SND1: variants seen among roughly 807,000 people sequenced by gnomAD.
SND1 encodes staphylococcal nuclease domain-containing protein 1.
In SND1, 38 loss-of-function variants were observed where a neutral mutation model predicts 121.7. That is an observed-to-expected ratio of 0.31 (90% CI 0.24 to 0.41). SND1 has a LOEUF of 0.41. Among genes scored for constraint, SND1 ranks in the 10% least tolerant of loss-of-function variants. The pLI is 1.00. For synonymous variants in SND1, 401 were observed against 447.4 expected, an observed-to-expected ratio of 0.90 and a Z score of 1.31; for missense variants, 868 against 1,184.6, an observed-to-expected ratio of 0.73 and a Z score of 3.92.
intron 15 of SND1, among the ~76,000 whole-genome samples, chr7:127,955,796 A>G (rs1584693343): frequency 6.6e-6 from 1 of 152,172 alleles, no homozygotes; most frequent in East Asian, 1.9e-4. Context: ...GACCATTCTA[A>G]GACACATATC....
At chr7:127,658,310 GT>G (rs1795246774) in intron 1 of SND1, among the ~76,000 whole-genome samples, 1 of 152,036 alleles carries the variant, frequency 6.6e-6, no homozygotes, top group South Asian at 2.1e-4. Flanking sequence ...GTGAGACTGT[GT>G]CTCAAAAGAA....
At chr7:128,084,446 G>A (rs1040004909) in intron 18 of SND1, among the ~76,000 whole-genome samples, 2 of 152,208 alleles carry the variant, frequency 1.3e-5, no homozygotes, top group Non-Finnish European at 2.9e-5. Context: ...CCCACACCCT[G>A]GGCCAGCAGA....
chr7:128,078,503 C>T lies in SND1; in HGVS notation c.1969-2857C>T, dbSNP rs113024668. Among the ~76,000 whole-genome samples, 812 of 152,368 alleles carry T rather than the reference C, an allele frequency of 5.3e-3. 3 individuals carry two copies. The highest frequency in any genetic ancestry group is 8.6e-3 in the Non-Finnish European group (586 of 68,034). The stretch of plus-strand genomic sequence containing the variant: ...GCAGTGTGCACCACCCCACCCACCA[C>T]GAAGTGAGCTGTGGCACCTTGTTAC... On this transcript the variant is annotated intron_variant, in intron 17 of 23. Transcript: ENST00000354725.
At chr7:127,674,373 T>C (rs982087102) in intron 1 of SND1, among the ~76,000 whole-genome samples, 1 of 152,262 alleles carries the variant, frequency 6.6e-6, no homozygotes, top group Non-Finnish European at 1.5e-5. Context: ...AAGGGTTTAC[T>C]TCTAATCCAA....
chr7:128,005,077 C>A (rs1802927562), intron 16 of SND1, among the ~76,000 whole-genome samples: 1 of 152,248 alleles, frequency 6.6e-6, no homozygotes, highest in East Asian at 1.9e-4. Flanking sequence ...GCTTTTGATT[C>A]TTGCTTTCCT....
Position 127,819,857 on chromosome 7 carries a change from C to T in SND1, c.1242+12284C>T, listed in dbSNP as rs571486829. Among the ~76,000 whole-genome samples the T allele has an allele frequency of 3.3e-5, 5 of 152,282 alleles. No individual in the cohort carries two copies. The East Asian group carries it at 7.7e-4, about 23-fold the overall frequency. On this transcript the variant is annotated intron_variant, in intron 11 of 23. Coordinates refer to ENST00000354725, the MANE Select transcript of SND1 (RefSeq NM_014390.4). The stretch of plus-strand genomic sequence containing the variant: ...AATTTGATGAATACTGATGTGATGG[C>T]TATGTGTCACACACAAACCCCTGAG...
chr7:128,023,609 G>A (rs1419435789), intron 16 of SND1, among the ~76,000 whole-genome samples: 1 of 152,188 alleles, frequency 6.6e-6, no homozygotes, highest in Admixed American at 6.5e-5. Context: ...TTTCCTGGGA[G>A]GATAAGTATA....
intron 10 of SND1, among the ~76,000 whole-genome samples, chr7:127,798,476 G>A (rs1248933754): frequency 2.0e-5 from 3 of 152,204 alleles, no homozygotes; most frequent in Non-Finnish European, 4.4e-5. Flanking sequence ...GGAATATTTG[G>A]AAATTTTGTT....
At position 127,832,925 on chromosome 7, in the gene SND1, T is replaced by C. The variant is rs371521988; in HGVS notation, c.1243-11399T>C. ...CGAGGGATCTAGGTCTCATGCTCTTTATGAGAATCTAATGCTTGATGATCT... is the reference window on the plus strand; with the variant it reads ...CGAGGGATCTAGGTCTCATGCTCTTCATGAGAATCTAATGCTTGATGATCT... On this transcript the variant is annotated intron_variant, in intron 11 of 23. Coordinates refer to ENST00000354725, the MANE Select transcript of SND1 (RefSeq NM_014390.4). Among the ~76,000 whole-genome samples, 5 of 152,288 alleles carry C rather than the reference T, an allele frequency of 3.3e-5. No homozygotes were observed. In the South Asian group the frequency reaches 6.2e-4, roughly 19 times the overall value.
At chr7:127,995,394 T>G (rs1248800120) in intron 16 of SND1, among the ~76,000 whole-genome samples, 1 of 152,200 alleles carries the variant, frequency 6.6e-6, no homozygotes, top group Non-Finnish European at 1.5e-5. Flanking sequence ...TGCCACACAG[T>G]CAAGGACAGG....
intron 16 of SND1, among the ~76,000 whole-genome samples, chr7:128,021,083 C>A (rs1196072721): frequency 6.6e-6 from 1 of 152,182 alleles, no homozygotes; most frequent in African/African-American, 2.4e-5. Flanking sequence ...TCCAGACTTC[C>A]CCCTGCCTAA....
intron 10 of SND1, among the ~76,000 whole-genome samples, chr7:127,803,261 C>T (rs919577668): frequency 2.6e-5 from 4 of 152,122 alleles, no homozygotes; most frequent in African/African-American, 7.2e-5. Context: ...AATCTCAGTG[C>T]GGCCTGCCCT....
chr7:128,073,127 A>G, intron 16 of SND1, among the ~76,000 whole-genome samples: 1 of 152,192 alleles, frequency 6.6e-6, no homozygotes, highest in Non-Finnish European at 1.5e-5. Context: ...AGGGAGGGGC[A>G]GGGTCTTTTC....
intron 9 of SND1, among the ~76,000 whole-genome samples, chr7:127,715,443 G>A (rs114009070): frequency 6.0e-4 from 91 of 152,238 alleles, no homozygotes; most frequent in African/African-American, 2.1e-3. Context: ...GTACCCAATA[G>A]GAAGTTTTTC....
At chr7:127,879,716 T>C (rs1799754946) in intron 12 of SND1, among the ~76,000 whole-genome samples, 1 of 152,120 alleles carries the variant, frequency 6.6e-6, no homozygotes, top group Admixed American at 6.6e-5. Context: ...GGGGAAAGTA[T>C]AGTCAATGTG....
At chr7:127,747,486 T>C (rs527416306) in intron 10 of SND1, among the ~76,000 whole-genome samples, 2 of 152,340 alleles carry the variant, frequency 1.3e-5, no homozygotes, top group East Asian at 3.9e-4. Flanking sequence ...GGATGAGTTC[T>C]CTGGATAAGA....
chr7:128,088,279 TAA>T (rs35128808), intron 21 of SND1, among the ~76,000 whole-genome samples: 27,920 of 104,172 alleles, frequency 0.27, 3,504 homozygotes, highest in Middle Eastern at 0.34. Context: ...ACCCTGTCTC[TAA>T]AAAAAAAAAA....
chr7:127,823,972 C>A (rs1303821419), intron 11 of SND1, among the ~76,000 whole-genome samples: 5 of 152,122 alleles, frequency 3.3e-5, no homozygotes, highest in Admixed American at 3.3e-4. Flanking sequence ...TTACTCATAT[C>A]ATAGTCAACA....
chr7:127,731,059 G>A (rs964193972), intron 10 of SND1, among the ~76,000 whole-genome samples: 2 of 152,236 alleles, frequency 1.3e-5, no homozygotes, highest in Admixed American at 6.5e-5. Flanking sequence ...ACTGGCATGC[G>A]GAAGCGGTAG....
Sources: allele counts gnomAD v4.1 joint callset (sites outside exome capture counted in the v4.1 genomes callset), GRCh38; gene constraint gnomAD v4.1.1; transcripts MANE v1.5; gene names NCBI Gene and HGNC (gene_info 2026-07-23, HGNC 2026-07-21).